The following TENM3 variants were observed in gnomAD, a reference collection of about 807,000 sequenced individuals.
TENM3 encodes the protein teneurin-3.
Under a neutral mutation model 255.1 loss-of-function variants are expected in TENM3, and 63 were observed. The observed-to-expected ratio is 0.25, with a 90% CI of 0.20 to 0.30. TENM3 has a LOEUF of 0.30. TENM3 is among the 10% of genes least tolerant of loss of function. The probability of loss-of-function intolerance (pLI) is 1.00; values close to 1 mark genes in which losing one functional copy is unlikely to be tolerated. For missense variants in TENM3, 2,929 were observed against 3,461.1 expected (o/e 0.85, Z 3.86); for synonymous variants, 1,306 against 1,322.3 (o/e 0.99, Z 0.27).
chr4:182,784,244 C>G (rs1433243057), intron 24 of TENM3, among the ~76,000 whole-genome samples: 2 of 152,012 alleles, frequency 1.3e-5, no homozygotes, highest in Non-Finnish European at 2.9e-5. Context: ...TGTGGATGTC[C>G]TTTCTGTTTG....
the TENM3 span, among the ~76,000 whole-genome samples, chr4:181,926,978 G>T: frequency 1.3e-5 from 2 of 152,058 alleles, no homozygotes. Flanking sequence ...GTGCACTCCA[G>T]CCCAGAAACT....
chr4:181,524,141 G>A, the TENM3 span, among the ~76,000 whole-genome samples: 1 of 152,120 alleles, frequency 6.6e-6, no homozygotes, highest in Non-Finnish European at 1.5e-5. Flanking sequence ...TGAAAATGTG[G>A]GGGAGCAGCA....
chr4:182,064,458 G>T, the TENM3 span, among the ~76,000 whole-genome samples: 2 of 151,920 alleles, frequency 1.3e-5, no homozygotes, highest in African/African-American at 2.4e-5. Flanking sequence ...GGCGCCTGTA[G>T]TCCCAGCTAC....
the TENM3 span, among the ~76,000 whole-genome samples, chr4:181,624,487 C>A: frequency 6.6e-6 from 1 of 152,162 alleles, no homozygotes; most frequent in East Asian, 1.9e-4. Context: ...TAACTGACCT[C>A]TTCTTTGTTC....
At chr4:182,186,209 T>C (rs1383997245) in intron 1 of TENM3, among the ~76,000 whole-genome samples, 3 of 152,190 alleles carry the variant, frequency 2.0e-5, no homozygotes, top group East Asian at 1.9e-4. Flanking sequence ...TGTGTGTGTG[T>C]ACACAAGTCC....
chr4:182,650,312 T>C (rs1561055264), intron 5 of TENM3, among the ~76,000 whole-genome samples: 1 of 150,064 alleles, frequency 6.7e-6, no homozygotes, highest in African/African-American at 2.4e-5. Flanking sequence ...CCCAGCTTCT[T>C]CTTGCCACTG....
chr4:182,149,619 G>C (rs1750201071), intron 1 of TENM3, among the ~76,000 whole-genome samples: 1 of 151,980 alleles, frequency 6.6e-6, no homozygotes, highest in Non-Finnish European at 1.5e-5. Flanking sequence ...TGGAATCTTG[G>C]AAGAGCTAGG....
the TENM3 span, among the ~76,000 whole-genome samples, chr4:182,032,243 T>G: frequency 6.6e-6 from 1 of 152,086 alleles, no homozygotes; most frequent in African/African-American, 2.4e-5. Context: ...CCTAGTTTAT[T>G]GAGTTTTTAA....
At chr4:182,735,100 C>A (rs1218468489) in intron 16 of TENM3, among the ~76,000 whole-genome samples, 1 of 152,124 alleles carries the variant, frequency 6.6e-6, no homozygotes, top group Admixed American at 6.5e-5. Flanking sequence ...ACCCTAACAA[C>A]CTACAGTCTT....
chr4:181,981,912 G>C, the TENM3 span, among the ~76,000 whole-genome samples: 1 of 152,210 alleles, frequency 6.6e-6, no homozygotes, highest in African/African-American at 2.4e-5. Context: ...CCGTCATTAG[G>C]TAGTGAAGTG....
chr4:182,285,010 T>G (rs1760643822), intron 1 of TENM3, among the ~76,000 whole-genome samples: 1 of 152,238 alleles, frequency 6.6e-6, no homozygotes, highest in East Asian at 1.9e-4. Context: ...TATATATATT[T>G]GGAAATGCAG....
the TENM3 span, among the ~76,000 whole-genome samples, chr4:182,116,627 T>TGTGA: frequency 1.3e-5 from 2 of 152,216 alleles, no homozygotes; most frequent in African/African-American, 4.8e-5. Context: ...CATGCGGAAC[T>TGTGA]GTGAGTCAAT....
intron 1 of TENM3, among the ~76,000 whole-genome samples, chr4:182,199,877 C>T: frequency 6.6e-6 from 1 of 151,858 alleles, no homozygotes; most frequent in African/African-American, 2.4e-5. Context: ...TAGGCTCAGG[C>T]CACCACACCT....
chr4:182,052,229 T>C, the TENM3 span, among the ~76,000 whole-genome samples: 2 of 152,078 alleles, frequency 1.3e-5, no homozygotes, highest in East Asian at 3.9e-4. Context: ...AGGCCTTTTA[T>C]CCATAGACCT....
chr4:182,177,011 A>G (rs936690728), intron 1 of TENM3, among the ~76,000 whole-genome samples: 7 of 152,014 alleles, frequency 4.6e-5, no homozygotes, highest in African/African-American at 1.7e-4. Flanking sequence ...GGAGATGGAC[A>G]GGACAGACAT....
At chr4:181,872,593 C>A in the TENM3 span, among the ~76,000 whole-genome samples, 1 of 152,146 alleles carries the variant, frequency 6.6e-6, no homozygotes, top group Non-Finnish European at 1.5e-5. Flanking sequence ...ACACAAATGT[C>A]CATAATATTT....
At chr4:181,510,493 G>A in the TENM3 span, among the ~76,000 whole-genome samples, 9 of 151,662 alleles carry the variant, frequency 5.9e-5, no homozygotes, top group Admixed American at 3.3e-4. Context: ...AAATAAACAC[G>A]AAACAAAACA....
At chr4:182,272,214 C>T (rs1322143164) in intron 1 of TENM3, among the ~76,000 whole-genome samples, 1 of 152,178 alleles carries the variant, frequency 6.6e-6, no homozygotes, top group African/African-American at 2.4e-5. Flanking sequence ...TAACGACTTA[C>T]TTAACTATAG....
At chr4:181,854,805 A>G in the TENM3 span, among the ~76,000 whole-genome samples, 1 of 152,236 alleles carries the variant, frequency 6.6e-6, no homozygotes, top group African/African-American at 2.4e-5. Context: ...GATCAATGTC[A>G]GTGCTAGCTA....
Sources: allele counts gnomAD v4.1 joint callset (sites outside exome capture counted in the v4.1 genomes callset), GRCh38; gene constraint gnomAD v4.1.1; transcripts MANE v1.5; gene names NCBI Gene and HGNC (gene_info 2026-07-23, HGNC 2026-07-21).